Variants in OR2A12 observed in about 807,000 individuals in gnomAD.
OR2A12 encodes the protein olfactory receptor family 2 subfamily A member 12.
For synonymous variants in OR2A12, 153 were observed against 149.3 expected, an observed-to-expected ratio of 1.02 and a Z score of -0.18; for missense variants, 380 against 372.5, an observed-to-expected ratio of 1.02 and a Z score of -0.17.
intron 1 of OR2A12, among the ~76,000 whole-genome samples, chr7:144,092,772 G>A (rs747707277): frequency 6.6e-6 from 1 of 151,914 alleles, no homozygotes; most frequent in Non-Finnish European, 1.5e-5. Context: ...TAGTAAATGA[G>A]TAATGAAAAA....
Position 144,096,064 on chromosome 7 carries a change from T to A in OR2A12, c.*24T>A. 1 of 1,512,960 alleles carries A rather than the reference T, an allele frequency of 6.6e-7. No homozygotes were observed. The highest frequency in any genetic ancestry group is 9.0e-7 in the Non-Finnish European group (1 of 1,117,078). 93.7% of individuals were successfully genotyped at this position (1,512,960 alleles called of 1,614,324 possible). A position where few individuals can be genotyped will look rare whatever the true frequency, so the allele number is the denominator to read the frequency against. On this transcript the variant is annotated 3_prime_UTR_variant, in exon 2 of 2. Coordinates refer to ENST00000641592, the MANE Select transcript of OR2A12 (RefSeq NM_001004135.2). ...GAAGAATCATTTGAGATATCCTGAG[T>A]GTGTAAGCATGGTTCTCATGACCCT...
At position 144,090,199 on chromosome 7, in the gene OR2A12, C is replaced by T. The variant is rs1008631502; in HGVS notation, c.-52+3656C>T. ...GCTCTTATTAGATCATTGCTTTTAC[C>T]TTTGATAATTTTTAATATTACCTCT... On this transcript the variant is annotated intron_variant, in intron 1 of 1. Coordinates refer to ENST00000641592, the MANE Select transcript of OR2A12 (RefSeq NM_001004135.2). Among the ~76,000 whole-genome samples the T allele has an allele frequency of 1.3e-4, 20 of 151,868 alleles. 1 individual carries two copies. The highest frequency in any genetic ancestry group is 1.3e-3 in the Admixed American group (20 of 15,234).
intron 1 of OR2A12, among the ~76,000 whole-genome samples, chr7:144,094,404 A>T (rs2051247411): frequency 6.6e-6 from 1 of 152,190 alleles, no homozygotes; most frequent in South Asian, 2.1e-4. Context: ...AGCTTCAAAC[A>T]ATCACATCAG....
intron 1 of OR2A12, among the ~76,000 whole-genome samples, chr7:144,087,967 C>G (rs956852607): frequency 1.3e-5 from 2 of 152,136 alleles, no homozygotes; most frequent in African/African-American, 4.8e-5. Context: ...TCAAAAACAC[C>G]AGTGCCAACT....
Position 144,095,936 on chromosome 7 carries a change from T to C in OR2A12, c.829T>C (p.Tyr277His), listed in dbSNP as rs759199660. 1 of 1,614,128 alleles carries C rather than the reference T, an allele frequency of 6.2e-7. No individual in the cohort carries two copies. The highest frequency in any genetic ancestry group is 8.5e-7 in the Non-Finnish European group (1 of 1,180,020). Reference protein sequence around the residue: ...QERRKILSLFYSLFNPILNPL... With the variant: ...QERRKILSLFHSLFNPILNPL... ...ACGGAGGAAGATCCTTTCCCTGTTT[T>C]ACAGCCTTTTCAACCCGATCCTGAA... Residue 277 changes from tyrosine to histidine, a missense_variant, in exon 2 of 2, where the codon TAC becomes CAC. By Grantham distance (83) the Tyr-to-His change is moderately conservative. Transcript: ENST00000641592.
Position 144,098,373 on chromosome 7 carries a change from C to T in OR2A12, c.*2333C>T, listed in dbSNP as rs1359340190. On this transcript the variant is annotated 3_prime_UTR_variant, in exon 2 of 2. Coordinates refer to ENST00000641592, the MANE Select transcript of OR2A12 (RefSeq NM_001004135.2). ...TTCTCAACAATTATCTGTTGACAGACGACCAATAGGTATCCCCAGGAAAGT... is the reference window on the plus strand; with the variant it reads ...TTCTCAACAATTATCTGTTGACAGATGACCAATAGGTATCCCCAGGAAAGT... The T allele has an allele frequency of 2.0e-5, 3 of 152,104 alleles. No individual in the cohort carries two copies. The highest frequency in any genetic ancestry group is 2.1e-4 in the South Asian group (1 of 4,820). 9.4% of individuals were successfully genotyped at this position (152,104 alleles called of 1,614,324 possible). A position where few individuals can be genotyped will look rare whatever the true frequency, so the allele number is the denominator to read the frequency against.
intron 1 of OR2A12, among the ~76,000 whole-genome samples, chr7:144,091,040 T>C (rs2051223883): frequency 4.6e-5 from 7 of 152,218 alleles, no homozygotes; most frequent in Admixed American, 4.6e-4. Flanking sequence ...TTTCTTTGGG[T>C]GTATACCCAG....
chr7:144,091,962 TTCCA>T (rs1268824120), intron 1 of OR2A12, among the ~76,000 whole-genome samples: 1 of 152,158 alleles, frequency 6.6e-6, no homozygotes, highest in Non-Finnish European at 1.5e-5. Flanking sequence ...AGATTTTGTC[TTCCA>T]AGGTTTTTAT....
chr7:144,097,993 C>T lies in OR2A12; in HGVS notation c.*1953C>T, dbSNP rs2051278951. On this transcript the variant is annotated 3_prime_UTR_variant, in exon 2 of 2. Transcript: ENST00000641592. ...TAAATAAAAATATTAGTGTATGTGA[C>T]TGGGTTGAAATTAAGAACTTATGTT... 1 of 152,054 alleles carries T rather than the reference C, an allele frequency of 6.6e-6. No homozygotes were observed. The highest frequency in any genetic ancestry group is 2.1e-4 in the South Asian group (1 of 4,818). The allele number at this position is 152,054 out of a possible 1,614,324, so 9.4% of individuals were successfully genotyped here. A position where few individuals can be genotyped will look rare whatever the true frequency, so the allele number is the denominator to read the frequency against.
chr7:144,090,859 G>A (rs1425885846), intron 1 of OR2A12, among the ~76,000 whole-genome samples: 1 of 152,170 alleles, frequency 6.6e-6, no homozygotes, highest in African/African-American at 2.4e-5. Context: ...CAAAGGACAT[G>A]ATCTCATTCT....
rs775341160 is a variant in OR2A12 at position 144,096,038 on chromosome 7, T to A, written c.931T>A (p.Ter311ArgextTer4). ...AGTCCTTTGGAAACAGAGATCAATG[T>A]GAAGAATCATTTGAGATATCCTGAG... Reference protein sequence around the residue: ...KRVLWKQRSM* With the variant: ...KRVLWKQRSMR The change falls in exon 2 of 2, where the codon TGA (stop) becomes AGA (arginine). Residue 311 changes from the stop codon to arginine, a stop_lost. Transcript: ENST00000641592. The A allele has an allele frequency of 6.3e-7, 1 of 1,579,302 alleles. No individual in the cohort carries two copies. The highest frequency in any genetic ancestry group is 8.6e-7 in the Non-Finnish European group (1 of 1,163,654).
intron 1 of OR2A12, among the ~76,000 whole-genome samples, chr7:144,087,968 A>G (rs2051198682): frequency 6.6e-6 from 1 of 152,222 alleles, no homozygotes; most frequent in Non-Finnish European, 1.5e-5. Context: ...CAAAAACACC[A>G]GTGCCAACTT....
chr7:144,095,309 G>A lies in OR2A12; in HGVS notation c.202G>A (p.Val68Met), dbSNP rs1436911701. The change falls in exon 2 of 2, where the codon GTG becomes ATG. Residue 68 changes from valine (V) to methionine (M), a missense_variant. Physicochemically the swap from Val to Met is conservative, Grantham distance 21 (BLOSUM62 1). Coordinates refer to ENST00000641592, the MANE Select transcript of OR2A12 (RefSeq NM_001004135.2). ...TGTCTTCCTGTCACACCTGGCCATT[G>A]TGGACATGTCCTATGCCTCGAGTAC... ...MYVFLSHLAI[V>M]DMSYASSTVP... 2 of 1,613,888 alleles carry A rather than the reference G, an allele frequency of 1.2e-6. No homozygotes were observed. The highest frequency in any genetic ancestry group is 4.5e-5 in the East Asian group (2 of 44,872).
rs769973920 is a variant in OR2A12, at chr7:144,096,131, C to T, written c.*91C>T. On this transcript the variant is annotated 3_prime_UTR_variant, in exon 2 of 2. Transcript: ENST00000641592. ...TTTTTAATTCTTTAATTTACCACAC[C>T]CAATACTGTTTATCTTTAGACTTCT... The T allele has an allele frequency of 2.2e-6, 2 of 918,492 alleles. No homozygotes were observed. Among genetic ancestry groups the T allele is most frequent in the South Asian group, 1.7e-5 (1 of 60,354 alleles). 56.9% of individuals were successfully genotyped at this position (918,492 alleles called of 1,614,324 possible).
rs1278076439 is a variant in OR2A12 at position 144,098,263 on chromosome 7, A to G, written c.*2223A>G. 1 of 152,128 alleles carries G rather than the reference A, an allele frequency of 6.6e-6. No individual in the cohort carries two copies. Among genetic ancestry groups the G allele is most frequent in the Non-Finnish European group, 1.5e-5 (1 of 68,022 alleles). The allele number at this position is 152,128 out of a possible 1,614,324, so 9.4% of individuals were successfully genotyped here. On this transcript the variant is annotated 3_prime_UTR_variant, in exon 2 of 2. Transcript: ENST00000641592. ...TGTGTGTTGTCAGTTTACAATCAGT[A>G]ATATACAAGATCGTCGTACACATCA...
chr7:144,095,162 G>A lies in OR2A12; in HGVS notation c.55G>A (p.Asp19Asn). 6.2e-7 allele frequency: 1 copy of A among 1,613,830 alleles called. No individual in the cohort carries two copies. Among genetic ancestry groups the A allele is most frequent in the Non-Finnish European group, 8.5e-7 (1 of 1,179,854 alleles). Reference protein sequence around the residue: ...TEVILLGFQVDPALELFLFGF... With the variant: ...TEVILLGFQVNPALELFLFGF... ...AGTCATCCTGTTGGGATTCCAGGTG[G>A]ACCCAGCTCTGGAGTTGTTCCTCTT... Residue 19 changes from aspartate (D) to asparagine (N), a missense_variant, in exon 2 of 2, where the codon GAC (aspartate) becomes AAC (asparagine). Transcript: ENST00000641592.
rs2051280264 is a variant in OR2A12 at position 144,098,162 on chromosome 7, A to G, written c.*2122A>G. 6.6e-6 allele frequency: 1 copy of G among 152,176 alleles called. No homozygotes were observed. Among genetic ancestry groups the G allele is most frequent in the Admixed American group, 6.6e-5 (1 of 15,258 alleles). 9.4% of individuals were successfully genotyped at this position (152,176 alleles called of 1,614,324 possible). A position where few individuals can be genotyped will look rare whatever the true frequency, so the allele number is the denominator to read the frequency against. ...CATTGTCTTGACTAGGTGACTTTCA[A>G]TCATATCTCTTCAGTCTGTCTTTTT... On this transcript the variant is annotated 3_prime_UTR_variant, in exon 2 of 2. Transcript: ENST00000641592.
chr7:144,087,335 G>T (rs563002549), intron 1 of OR2A12, among the ~76,000 whole-genome samples: 1 of 152,190 alleles, frequency 6.6e-6, no homozygotes, highest in African/African-American at 2.4e-5. Context: ...TCTAATAGCA[G>T]AGAAGCCCAT....
chr7:144,090,922 C>T (rs1004827902), intron 1 of OR2A12, among the ~76,000 whole-genome samples: 3 of 152,112 alleles, frequency 2.0e-5, no homozygotes, highest in African/African-American at 7.2e-5. Flanking sequence ...TTTTCTTTAT[C>T]TAGTCTACCA....
Sources: allele counts gnomAD v4.1 joint callset (sites outside exome capture counted in the v4.1 genomes callset), GRCh38; gene constraint gnomAD v4.1.1; transcripts MANE v1.5; gene names NCBI Gene and HGNC (gene_info 2026-07-23, HGNC 2026-07-21).